DEF8: variants seen among roughly 807,000 people sequenced by gnomAD.
The protein encoded by DEF8 is DEF-8.
Under a neutral mutation model 59.1 loss-of-function variants are expected in DEF8, and 38 were observed. The ratio of observed to expected loss-of-function variants is 0.64; its 90% confidence interval spans 0.50 to 0.84. The LOEUF (loss-of-function observed/expected upper bound fraction) is 0.84. DEF8 is among the 40% of genes least tolerant of loss of function. DEF8 has a pLI of 0.00. For missense variants in DEF8, 557 were observed against 615.2 expected (o/e 0.91, Z 1.00); for synonymous variants, 265 against 250.1 (o/e 1.06, Z -0.56).
At chr16:89,952,818 C>T (rs573947110) in intron 2 of DEF8, 3 of 152,440 alleles carry the variant, frequency 2.0e-5, no homozygotes, top group African/African-American at 7.2e-5. Context: ...GCCCAACCCA[C>T]ACTCCTGCCC....
Position 89,967,180 on chromosome 16 carries a change from G to A in DEF8, c.*1217G>A, listed in dbSNP as rs2034647185. 2 of 397,884 alleles carry A rather than the reference G, an allele frequency of 5.0e-6. No homozygotes were observed. Among genetic ancestry groups the A allele is most frequent in the Non-Finnish European group, 8.8e-6 (2 of 226,098 alleles). 24.6% of individuals were successfully genotyped at this position (397,884 alleles called of 1,614,324 possible). ...TGCCTTGGGCAGTGGGGGTGCTCCTGTCTGTCCTTTTCCCCCACACCCTGG... is the reference window on the plus strand; with the variant it reads ...TGCCTTGGGCAGTGGGGGTGCTCCTATCTGTCCTTTTCCCCCACACCCTGG... On this transcript the variant is annotated 3_prime_UTR_variant, in exon 13 of 13. Transcript: ENST00000563594.
intron 6 of DEF8, 110 bp downstream of exon 6, chr16:89,959,265 C>A (rs769359503): frequency 1.9e-6 from 3 of 1,552,572 alleles, no homozygotes; most frequent in Admixed American, 2.0e-5. Flanking sequence ...ACTAGCCAAA[C>A]ATGGCCAGTC....
rs778267202 is a variant in DEF8 at position 89,949,421 on chromosome 16, T to C, written c.-103T>C. 38 of 1,605,222 alleles carry C rather than the reference T, an allele frequency of 2.4e-5. No homozygotes were observed. The highest frequency in any genetic ancestry group is 2.8e-5 in the Non-Finnish European group (33 of 1,178,028). Reference sequence around the variant, plus strand: ...TGGGGTGGCTTCTCCCTGCAGCAGGTGCCGAACCCACGGCCAGGCTTCCGT... The same window carrying C: ...TGGGGTGGCTTCTCCCTGCAGCAGGCGCCGAACCCACGGCCAGGCTTCCGT... On this transcript the variant is annotated 5_prime_UTR_variant, in exon 2 of 13. Coordinates refer to ENST00000563594, the MANE Select transcript of DEF8 (RefSeq NM_001242818.2).
intron 2 of DEF8, among the ~76,000 whole-genome samples, chr16:89,951,815 T>TA: frequency 6.6e-6 from 1 of 152,286 alleles, no homozygotes; most frequent in African/African-American, 2.4e-5. Flanking sequence ...TTTTTTCTCA[T>TA]ATGTATGTAT....
rs1413916436 is a variant in DEF8, at chr16:89,967,330, G to T, written c.*1367G>T. On this transcript the variant is annotated 3_prime_UTR_variant, in exon 13 of 13. Transcript: ENST00000563594. ...GAGGAGACACCTCAGTCAGCAGAAAGGCCACCTGGCTCACTGGCTCATTCC... is the reference window on the plus strand; with the variant it reads ...GAGGAGACACCTCAGTCAGCAGAAATGCCACCTGGCTCACTGGCTCATTCC... 4 of 398,690 alleles carry T rather than the reference G, an allele frequency of 1.0e-5. No individual in the cohort carries two copies. In the East Asian group the frequency reaches 1.4e-4, roughly 14 times the overall value. The allele number at this position is 398,690 out of a possible 1,614,324, so 24.7% of individuals were successfully genotyped here.
At chr16:89,951,312 A>G (rs1031038203) in intron 2 of DEF8, among the ~76,000 whole-genome samples, 2 of 151,370 alleles carry the variant, frequency 1.3e-5, no homozygotes, top group East Asian at 1.9e-4. Context: ...GCTGGAGTGC[A>G]GTGGCTCAAT....
At chr16:89,951,072 T>G (rs2031962395) in intron 2 of DEF8, among the ~76,000 whole-genome samples, 1 of 152,194 alleles carries the variant, frequency 6.6e-6, no homozygotes, top group African/African-American at 2.4e-5. Flanking sequence ...ATTAACTACT[T>G]TAATCTTGAC....
At chr16:89,960,213 C>T (rs1404349567) in intron 6 of DEF8, among the ~76,000 whole-genome samples, 1 of 152,072 alleles carries the variant, frequency 6.6e-6, no homozygotes, top group African/African-American at 2.4e-5. Flanking sequence ...GTTACTGTGG[C>T]TGCTGACTGA....
chr16:89,956,330 C>T (rs12596206), intron 4 of DEF8, among the ~76,000 whole-genome samples: 7,459 of 151,512 alleles, frequency 0.049, 349 homozygotes, highest in East Asian at 0.26. Flanking sequence ...CATAGTGGAG[C>T]GCCCCTGTAG....
In DEF8 at chr16:89,959,130, C is replaced by A. The variant is rs758227467; in HGVS notation, c.489C>A (p.Leu163=). Residue 163 remains leucine, a synonymous_variant, in exon 6 of 13, where the codon CTC becomes CTA. Transcript: ENST00000563594. ...AGTGTAACACCATCATCTGGGGGCT[C>A]ATTCAGACCTGGTACACCTGCACAG... ...CDKCNTIIWG[L]IQTWYTCTGC... is the part of the protein sequence containing the mutation. The A allele has an allele frequency of 1.2e-6, 2 of 1,613,944 alleles. No homozygotes were observed. The highest frequency in any genetic ancestry group is 3.3e-5 in the Admixed American group (2 of 60,026).
chr16:89,956,076 G>GA (rs11446223), intron 4 of DEF8, among the ~76,000 whole-genome samples: 31,185 of 149,816 alleles, frequency 0.21, 4,245 homozygotes, highest in African/African-American at 0.39. Flanking sequence ...CCGTCTCAAA[G>GA]AAAAAAAAAG....
At chr16:89,959,885 C>T (rs1486680013) in intron 6 of DEF8, among the ~76,000 whole-genome samples, 1 of 152,234 alleles carries the variant, frequency 6.6e-6, no homozygotes, top group Non-Finnish European at 1.5e-5. Flanking sequence ...GGGGGCAGCC[C>T]TGTGGTTGAT....
intron 6 of DEF8, 74 bp downstream of exon 6, chr16:89,959,229 G>T (rs1288184554): frequency 3.1e-6 from 5 of 1,602,748 alleles, no homozygotes; most frequent in Non-Finnish European, 4.3e-6. Context: ...CTCACATTCA[G>T]ATGTGAGCTA....
At chr16:89,949,378 G>C (rs118156795) in intron 1 of DEF8, 39 bp from the exon 2 acceptor site, 7 of 1,519,724 alleles carry the variant, frequency 4.6e-6, no homozygotes, top group South Asian at 1.2e-5. Context: ...GGGTGTGGTG[G>C]GTGGGGAGGC....
chr16:89,957,637 C>A lies in DEF8; in HGVS notation c.349C>A (p.Arg117=), dbSNP rs778609903. Reference sequence around the variant, plus strand: ...TGCCGTGGTGCGACTCATCCACCTCCGGCTGAAGCTCCAGGAGCTGAAGGT... The same window carrying A: ...TGCCGTGGTGCGACTCATCCACCTCAGGCTGAAGCTCCAGGAGCTGAAGGT... ...KDAVVRLIHL[R]LKLQELKDPN... is the part of the protein sequence containing the mutation. The change falls in exon 5 of 13, where the codon CGG becomes AGG. Residue 117 remains arginine, a synonymous_variant. Transcript: ENST00000563594. 3.8e-6 allele frequency: 6 copies of A among 1,567,874 alleles called. No individual in the cohort carries two copies. Among genetic ancestry groups the A allele is most frequent in the Non-Finnish European group, 5.2e-6 (6 of 1,156,530 alleles).
chr16:89,963,985 C>T (rs572830345), intron 10 of DEF8, 185 bp from the exon 11 acceptor site: 38 of 773,980 alleles, frequency 4.9e-5, no homozygotes, highest in Middle Eastern at 2.2e-4. Context: ...GGTCAGGAAA[C>T]GTGGCCCGGG....
chr16:89,966,468 G>C lies in DEF8; in HGVS notation c.*505G>C, dbSNP rs111703022. ...TGCGGTGGGGTGTCGGCTCTGCCTG[G>C]GGGCTCCATCCCTTTCAGCCACTCG... On this transcript the variant is annotated 3_prime_UTR_variant, in exon 13 of 13. Coordinates refer to ENST00000563594, the MANE Select transcript of DEF8 (RefSeq NM_001242818.2). 2 of 154,642 alleles carry C rather than the reference G, an allele frequency of 1.3e-5. No homozygotes were observed. The highest frequency in any genetic ancestry group is 4.8e-5 in the African/African-American group (2 of 41,614). The allele number at this position is 154,642 out of a possible 1,614,324, so 9.6% of individuals were successfully genotyped here.
At chr16:89,959,306 C>A in intron 6 of DEF8, 151 bp downstream of exon 6, 1 of 1,492,104 alleles carries the variant, frequency 6.7e-7, no homozygotes, top group South Asian at 1.3e-5. Flanking sequence ...TGCATTTCCT[C>A]GTTGTACTGT....
intron 1 of DEF8, among the ~76,000 whole-genome samples, chr16:89,949,109 TCGGGGC>T (rs2031424011): frequency 1.8e-5 from 1 of 55,048 alleles, no homozygotes; most frequent in African/African-American, 6.8e-5. Flanking sequence ...GCCGGCGAGG[TCGGGGC>T]CGGCGGGGAC....
Sources: gnomAD v4.1 joint callset for allele counts (sites outside exome capture counted in the v4.1 genomes callset) on GRCh38, gnomAD v4.1.1 for gene constraint, MANE v1.5 for transcripts, NCBI Gene and HGNC (gene_info 2026-07-23, HGNC 2026-07-21) for gene names.